The following ELAVL2 variants were observed in gnomAD, a reference collection of about 807,000 sequenced individuals.
ELAVL2 encodes ELAV like RNA binding protein 2.
ELAVL2 carries 4 observed loss-of-function variants against 34.6 expected under a neutral mutation model. The observed-to-expected ratio is 0.12, with a 90% CI of 0.06 to 0.26. ELAVL2 has a LOEUF of 0.26. ELAVL2 is among the 10% of genes least tolerant of loss of function. The pLI is 1.00. For synonymous variants in ELAVL2, 193 were observed against 154.8 expected, an observed-to-expected ratio of 1.25 and a Z score of -1.83; for missense variants, 432 against 442.8, an observed-to-expected ratio of 0.98 and a Z score of 0.22.
At chr9:23,749,693 C>G (rs750723370) in intron 2 of ELAVL2, among the ~76,000 whole-genome samples, 2 of 151,942 alleles carry the variant, frequency 1.3e-5, no homozygotes, top group Admixed American at 1.3e-4. Flanking sequence ...TATTGTTAGC[C>G]TCCGGTGAAC....
At position 23,733,172 on chromosome 9, in the gene ELAVL2, TA is replaced by T. The variant is rs397953305; in HGVS notation, c.230-2048del. On this transcript the variant is annotated intron_variant, in intron 2 of 6. Coordinates refer to ENST00000397312, the MANE Select transcript of ELAVL2 (RefSeq NM_004432.5). ...CTGCAATGGAATCATCTAGAAAGCTTAAAAAAAAAAAAAAAAAAAACTAAAA... is the reference window on the plus strand; with the variant it reads ...CTGCAATGGAATCATCTAGAAAGCTTAAAAAAAAAAAAAAAAAAACTAAAA... 6.6e-3 allele frequency among the ~76,000 whole-genome samples: 687 copies of T among 104,564 alleles called. 2 individuals are homozygous for T. Among genetic ancestry groups the T allele is most frequent in the Middle Eastern group, 0.016 (3 of 190 alleles). 68.6% of individuals were successfully genotyped at this position (104,564 alleles called of 152,430 possible).
intron 4 of ELAVL2, among the ~76,000 whole-genome samples, chr9:23,703,257 CACAAG>C (rs1377736302): frequency 1.5e-4 from 23 of 152,164 alleles, no homozygotes; most frequent in African/African-American, 4.8e-4. Context: ...ACTCTCAATT[CACAAG>C]ATCTCAGAAT....
intron 2 of ELAVL2, among the ~76,000 whole-genome samples, chr9:23,746,263 A>T (rs905617983): frequency 1.1e-4 from 17 of 152,206 alleles, no homozygotes; most frequent in African/African-American, 4.1e-4. Flanking sequence ...TACAAAAGTT[A>T]TTCTCTTATA....
At chr9:23,774,040 T>C (rs1012589822) in intron 1 of ELAVL2, among the ~76,000 whole-genome samples, 2 of 151,408 alleles carry the variant, frequency 1.3e-5, no homozygotes, top group African/African-American at 4.9e-5. Context: ...TGAAACCCCA[T>C]CTCTATTAAA....
At chr9:23,775,321 G>T (rs1035129098) in intron 1 of ELAVL2, among the ~76,000 whole-genome samples, 1 of 152,164 alleles carries the variant, frequency 6.6e-6, no homozygotes, top group Non-Finnish European at 1.5e-5. Context: ...TGGAAGGCTG[G>T]AGGACACCAC....
At chr9:23,759,253 T>A (rs1373169728) in intron 2 of ELAVL2, among the ~76,000 whole-genome samples, 2 of 151,970 alleles carry the variant, frequency 1.3e-5, no homozygotes, top group Non-Finnish European at 2.9e-5. Context: ...AAGAATGAAA[T>A]TCTGTCATTT....
At chr9:23,707,622 A>C (rs2133474822) in intron 3 of ELAVL2, among the ~76,000 whole-genome samples, 1 of 152,340 alleles carries the variant, frequency 6.6e-6, no homozygotes, top group African/African-American at 2.4e-5. Flanking sequence ...GGTAACAGCT[A>C]ATCGGTGTGC....
At chr9:23,822,671 G>C (rs2064982590) in intron 1 of ELAVL2, among the ~76,000 whole-genome samples, 1 of 152,184 alleles carries the variant, frequency 6.6e-6, no homozygotes, top group Non-Finnish European at 1.5e-5. Context: ...TTAATTACGA[G>C]AGCACCTGTA....
chr9:23,693,933 A>C (rs2034177634), intron 5 of ELAVL2, among the ~76,000 whole-genome samples: 1 of 152,194 alleles, frequency 6.6e-6, no homozygotes, highest in Non-Finnish European at 1.5e-5. Flanking sequence ...AAATTATGGC[A>C]TTGATACTCA....
rs138271735 is a variant in ELAVL2, at chr9:23,802,523, C to T, written c.-16+23283G>A. On this transcript the variant is annotated intron_variant, in intron 1 of 6. Transcript: ENST00000397312. The stretch of plus-strand genomic sequence containing the variant: ...TACCCCTCCCCTAGAAAGATGACTG[C>T]CCACTCCTCCCTACAATACAGATTC... 3.3e-3 allele frequency among the ~76,000 whole-genome samples: 507 copies of T among 152,264 alleles called. 2 individuals carry two copies. The highest frequency in any genetic ancestry group is 0.01 in the Middle Eastern group (3 of 294).
chr9:23,704,595 T>C (rs1325757092), intron 4 of ELAVL2, among the ~76,000 whole-genome samples: 2 of 152,170 alleles, frequency 1.3e-5, no homozygotes, highest in Non-Finnish European at 2.9e-5. Flanking sequence ...TGTTTATTAG[T>C]ACTCTATAAG....
At chr9:23,816,498 T>C (rs945491791) in intron 1 of ELAVL2, among the ~76,000 whole-genome samples, 2 of 151,998 alleles carry the variant, frequency 1.3e-5, no homozygotes, top group Admixed American at 6.6e-5. Flanking sequence ...GAAAAGAACA[T>C]TTAGAATATA....
intron 3 of ELAVL2, among the ~76,000 whole-genome samples, chr9:23,720,952 C>T (rs2134071755): frequency 6.6e-6 from 1 of 152,274 alleles, no homozygotes; most frequent in East Asian, 1.9e-4. Flanking sequence ...CACCCCACCC[C>T]ACTGATCCTG....
intron 3 of ELAVL2, among the ~76,000 whole-genome samples, chr9:23,723,010 C>T (rs903455050): frequency 3.3e-5 from 5 of 152,114 alleles, no homozygotes; most frequent in African/African-American, 1.2e-4. Context: ...CCCCACATTC[C>T]CCTTAAAAAG....
Position 23,796,149 on chromosome 9 carries a change from G to T in ELAVL2, c.-16+29657C>A, listed in dbSNP as rs946569828. Among the ~76,000 whole-genome samples the T allele has an allele frequency of 7.9e-5, 12 of 152,224 alleles. No homozygotes were observed. The South Asian group carries it at 1.7e-3, about 21-fold the overall frequency. ...AAAAGACAAATGATGAACTTTCTAG[G>T]TCCTACTATAAAACACTAGAGTTAG... On this transcript the variant is annotated intron_variant, in intron 1 of 6. Coordinates refer to ENST00000397312, the MANE Select transcript of ELAVL2 (RefSeq NM_004432.5).
At chr9:23,797,672 A>G (rs1328787001) in intron 1 of ELAVL2, among the ~76,000 whole-genome samples, 1 of 152,254 alleles carries the variant, frequency 6.6e-6, no homozygotes, top group East Asian at 1.9e-4. Context: ...TTACGCCTGT[A>G]ATCCCAGTAC....
chr9:23,714,806 T>TA (rs991590879), intron 3 of ELAVL2, among the ~76,000 whole-genome samples: 111 of 148,744 alleles, frequency 7.5e-4, no homozygotes, highest in African/African-American at 2.2e-3. Context: ...ATTTCCCAGT[T>TA]AAAAAAAAAA....
intron 6 of ELAVL2, 89 bp downstream of exon 6, chr9:23,693,359 T>C: frequency 1.3e-6 from 2 of 1,515,788 alleles, no homozygotes; most frequent in South Asian, 2.3e-5. Context: ...CAACAAAAAC[T>C]TATGAGGGGT....
At chr9:23,805,911 A>G (rs2137856437) in intron 1 of ELAVL2, among the ~76,000 whole-genome samples, 1 of 152,282 alleles carries the variant, frequency 6.6e-6, no homozygotes, top group African/African-American at 2.4e-5. Context: ...AATACATGTA[A>G]AAAGCATAGT....
Sources: gnomAD v4.1 joint callset for allele counts (sites outside exome capture counted in the v4.1 genomes callset) on GRCh38, gnomAD v4.1.1 for gene constraint, MANE v1.5 for transcripts, NCBI Gene and HGNC (gene_info 2026-07-23, HGNC 2026-07-21) for gene names.